Variants in DOCK1 observed in about 807,000 individuals in gnomAD.
The protein encoded by DOCK1 is dedicator of cytokinesis 1, also known as dedicator of cytokinesis protein 1.
In DOCK1, 138 loss-of-function variants were observed where a neutral mutation model predicts 262.7. The observed-to-expected ratio is 0.53, with a 90% CI of 0.46 to 0.61. The LOEUF (loss-of-function observed/expected upper bound fraction) is 0.61. DOCK1 is among the 20% of genes least tolerant of loss of function. The pLI, the probability that DOCK1 is intolerant of heterozygous loss-of-function variation, is 0.00. For synonymous variants in DOCK1, 866 were observed against 867.4 expected, an observed-to-expected ratio of 1.00 and a Z score of 0.03; for missense variants, 1,908 against 2,370.7, an observed-to-expected ratio of 0.80 and a Z score of 4.05.
intron 27 of DOCK1, among the ~76,000 whole-genome samples, chr10:127,157,952 T>C (rs1040867847): frequency 2.4e-4 from 37 of 152,238 alleles, no homozygotes; most frequent in Admixed American, 2.4e-3. Flanking sequence ...TGCTAAAATT[T>C]TATTAAGCAC....
At chr10:127,108,471 C>T (rs2048672025) in intron 24 of DOCK1, among the ~76,000 whole-genome samples, 1 of 152,128 alleles carries the variant, frequency 6.6e-6, no homozygotes, top group Non-Finnish European at 1.5e-5. Flanking sequence ...CCTGTAATCC[C>T]AGCTACTCAG....
intron 23 of DOCK1, among the ~76,000 whole-genome samples, chr10:127,088,051 G>A (rs1009705055): frequency 5.9e-5 from 9 of 152,084 alleles, no homozygotes; most frequent in Non-Finnish European, 1.0e-4. Context: ...TTACAAATGC[G>A]TAGTGAAAGG....
At chr10:127,058,161 G>T (rs2045291157) in intron 22 of DOCK1, among the ~76,000 whole-genome samples, 1 of 151,390 alleles carries the variant, frequency 6.6e-6, no homozygotes, top group African/African-American at 2.5e-5. Context: ...TGGCACAAGA[G>T]AAACTGTTTT....
chr10:127,337,268 C>T (rs1438845645), intron 29 of DOCK1, among the ~76,000 whole-genome samples: 4 of 152,204 alleles, frequency 2.6e-5, no homozygotes, highest in Non-Finnish European at 5.9e-5. Context: ...ACACAGTTAC[C>T]AAGGGTCAGG....
At chr10:127,347,848 CCT>C (rs2063709732) in intron 31 of DOCK1, among the ~76,000 whole-genome samples, 4 of 56,492 alleles carry the variant, frequency 7.1e-5, no homozygotes, top group African/African-American at 2.5e-4. Context: ...CCTTCCCTTC[CCT>C]TCCCTTCCCT....
chr10:127,425,935 C>G lies in DOCK1; in HGVS notation c.4838C>G (p.Pro1613Arg), dbSNP rs773632498. ...GACAAAGTCACGGAGGCACTGAGGC[C>G]GTTCCACGAGAGGATGGAGGCCTGT... is the stretch of plus-strand genomic sequence containing the variant. ...HGDKVTEALR[P>R]FHERMEACFK... The change falls in exon 47 of 52, where the codon CCG (proline) becomes CGG (arginine). Residue 1613 changes from proline to arginine, a missense_variant. Pro to Arg is a moderately radical substitution (Grantham distance 103). Coordinates refer to ENST00000623213, the MANE Select transcript of DOCK1 (RefSeq NM_001290223.2). 1.2e-5 allele frequency: 19 copies of G among 1,613,832 alleles called. No homozygotes were observed. In the South Asian group the frequency reaches 2.1e-4, roughly 18 times the overall value.
intron 33 of DOCK1, among the ~76,000 whole-genome samples, chr10:127,371,320 T>C (rs1287222862): frequency 2.0e-5 from 3 of 152,200 alleles, no homozygotes; most frequent in Non-Finnish European, 4.4e-5. Flanking sequence ...GGACTAGGGT[T>C]AGTAAAATTA....
At position 127,012,824 on chromosome 10, in the gene DOCK1, C is replaced by T. The variant is rs1317819697; in HGVS notation, c.1201+450C>T. Among the ~76,000 whole-genome samples the T allele has an allele frequency of 6.6e-6, 1 of 152,220 alleles. No individual in the cohort carries two copies. The highest frequency in any genetic ancestry group is 1.5e-5 in the Non-Finnish European group (1 of 68,050). ...CTCACTGTTTTTAATCCTGCACTGA[C>T]ACGTTTCTGAGCAGCTGACCTGCTG... On this transcript the variant is annotated intron_variant, in intron 12 of 51. Transcript: ENST00000623213. The surrounding 1 kb of genome is among the most constrained non-coding windows in gnomAD (Gnocchi z 4.0).
At chr10:127,433,261 T>TCC in intron 47 of DOCK1, 22 bp from the exon 48 acceptor site, 1 of 1,610,500 alleles carries the variant, frequency 6.2e-7, no homozygotes, top group Non-Finnish European at 8.5e-7. Context: ...CAAGTCTCCT[T>TCC]CTCTCTCTTT....
chr10:126,996,422 C>A (rs2135093457), intron 6 of DOCK1, among the ~76,000 whole-genome samples: 2 of 146,744 alleles, frequency 1.4e-5, no homozygotes, highest in Admixed American at 6.8e-5. Context: ...TAAAACTTTT[C>A]ATATTTTACA....
chr10:126,949,698 A>T (rs1349038981), intron 1 of DOCK1, among the ~76,000 whole-genome samples: 1 of 152,150 alleles, frequency 6.6e-6, no homozygotes, highest in Non-Finnish European at 1.5e-5. Flanking sequence ...TGGAGGGGAA[A>T]AGTATTACTC....
intron 25 of DOCK1, among the ~76,000 whole-genome samples, chr10:127,122,796 G>A (rs544951157): frequency 3.9e-5 from 6 of 152,194 alleles, no homozygotes; most frequent in South Asian, 4.2e-4. Flanking sequence ...GATGGTGAAC[G>A]TTACCACCAG....
intron 19 of DOCK1, among the ~76,000 whole-genome samples, chr10:127,038,583 G>T (rs1297634599): frequency 6.6e-6 from 1 of 152,168 alleles, no homozygotes; most frequent in African/African-American, 2.4e-5. Context: ...ACCAGGAGAG[G>T]TCTGTGGTGT....
At chr10:127,261,210 CATGTGTGTGCAT>C (rs139818909) in intron 29 of DOCK1, among the ~76,000 whole-genome samples, 36,279 of 92,262 alleles carry the variant, frequency 0.39, 7,248 homozygotes, top group Admixed American at 0.44. Flanking sequence ...TGTGTACCTG[CATGTGTGTGCAT>C]GTGGGTGTGC....
At chr10:126,931,849 A>T (rs1036868493) in intron 1 of DOCK1, among the ~76,000 whole-genome samples, 3 of 152,230 alleles carry the variant, frequency 2.0e-5, no homozygotes, top group South Asian at 4.1e-4. Context: ...AAAGTGCTTA[A>T]TCTTGTGCCT....
intron 27 of DOCK1, among the ~76,000 whole-genome samples, chr10:127,190,332 C>T (rs1051829900): frequency 3.9e-5 from 6 of 152,270 alleles, no homozygotes; most frequent in Middle Eastern, 3.4e-3. Context: ...TGCCTTCTCA[C>T]GGTGTTTCCT....
At chr10:127,025,103 G>A in intron 15 of DOCK1, 1 of 184,150 alleles carries the variant, frequency 5.4e-6, no homozygotes, top group Non-Finnish European at 1.1e-5. Flanking sequence ...AAAAAACCGA[G>A]CTGCCAGCCT....
Position 127,135,142 on chromosome 10 carries a change from T to C in DOCK1, c.2847+7378T>C, listed in dbSNP as rs572438517. Among the ~76,000 whole-genome samples the C allele has an allele frequency of 4.6e-5, 7 of 152,322 alleles. No individual in the cohort carries two copies. In the South Asian group the frequency reaches 1.0e-3, roughly 23 times the overall value. The stretch of plus-strand genomic sequence containing the variant: ...TTCTGAGGTTAAGAATTAAACCTCA[T>C]ATACCTCCTGCTATGAGCCTGTGTG... On this transcript the variant is annotated intron_variant, in intron 27 of 51. Transcript: ENST00000623213.
At chr10:127,073,032 T>C (rs2135940803) in intron 23 of DOCK1, among the ~76,000 whole-genome samples, 1 of 152,374 alleles carries the variant, frequency 6.6e-6, no homozygotes, top group East Asian at 1.9e-4. Context: ...AACGCTCATC[T>C]GCACTTCACT....
Sources: allele counts gnomAD v4.1 joint callset (sites outside exome capture counted in the v4.1 genomes callset), GRCh38; gene constraint gnomAD v4.1.1; non-coding constraint Gnocchi (gnomAD v3.1); transcripts MANE v1.5; gene names NCBI Gene and HGNC (gene_info 2026-07-23, HGNC 2026-07-21).